YTHDF1: variants seen among roughly 807,000 people sequenced by gnomAD.
The protein encoded by YTHDF1 is YTH domain-containing family protein 1.
Under a neutral mutation model 49.1 loss-of-function variants are expected in YTHDF1, and 16 were observed. The ratio of observed to expected loss-of-function variants is 0.33; its 90% confidence interval spans 0.22 to 0.49. The LOEUF is 0.49. YTHDF1 is among the 20% of genes least tolerant of loss of function. The pLI is 0.99. For missense variants in YTHDF1, 621 were observed against 744.3 expected, an observed-to-expected ratio of 0.83 and a Z score of 1.93; for synonymous variants, 313 against 290.1, an observed-to-expected ratio of 1.08 and a Z score of -0.80.
At chr20:63,212,901 C>T (rs1279209467) in intron 3 of YTHDF1, among the ~76,000 whole-genome samples, 2 of 152,178 alleles carry the variant, frequency 1.3e-5, no homozygotes, top group Non-Finnish European at 2.9e-5. Context: ...AGAATGTTCC[C>T]GTGCAAAATG....
chr20:63,215,809 C>T, intron 1 of YTHDF1, 57 bp downstream of exon 1: 13 of 1,450,532 alleles, frequency 9.0e-6, no homozygotes, highest in Non-Finnish European at 1.2e-5. Flanking sequence ...CCCAGGACCT[C>T]AACCCAGACC....
Position 63,202,907 on chromosome 20 carries a change from C to T in YTHDF1, c.1033G>A (p.Gly345Ser). ...NAAFGQSGGAGSDSNSPGNVQ... is the reference protein window; with the variant it reads ...NAAFGQSGGASSDSNSPGNVQ... ...TTTCCAGGAGAGTTGCTATCGCTGC[C>T]AGCCCCTCCGCTCTGCCCAAACGCC... The change falls in exon 4 of 5, where the codon GGC becomes AGC. Residue 345 changes from glycine to serine, a missense_variant. Gly to Ser is a moderately conservative substitution (Grantham distance 56). Coordinates refer to ENST00000370339, the MANE Select transcript of YTHDF1 (RefSeq NM_017798.4). 6.2e-7 allele frequency: 1 copy of T among 1,613,992 alleles called. No individual in the cohort carries two copies. Among genetic ancestry groups the T allele is most frequent in the Non-Finnish European group, 8.5e-7 (1 of 1,180,048 alleles).
intron 2 of YTHDF1, 81 bp downstream of exon 2, chr20:63,215,496 T>C: frequency 6.3e-7 from 1 of 1,592,386 alleles, no homozygotes. Flanking sequence ...AGTTTCCGGT[T>C]CCAGACGCAG....
intron 4 of YTHDF1, among the ~76,000 whole-genome samples, chr20:63,199,360 G>A (rs2066507267): frequency 6.6e-6 from 1 of 152,068 alleles, no homozygotes; most frequent in South Asian, 2.1e-4. Flanking sequence ...TCTACTAAAA[G>A]CACAAAAAAT....
At chr20:63,202,170 C>T (rs2066520319) in intron 4 of YTHDF1, 117 bp downstream of exon 4, 4 of 1,382,964 alleles carry the variant, frequency 2.9e-6, no homozygotes, top group African/African-American at 2.9e-5. Flanking sequence ...TGGGAGCTGC[C>T]TGTCACGAGA....
chr20:63,206,124 C>G (rs1601236423), intron 3 of YTHDF1, among the ~76,000 whole-genome samples: 1 of 152,226 alleles, frequency 6.6e-6, no homozygotes, highest in South Asian at 2.1e-4. Flanking sequence ...CAGTCCCCCC[C>G]ACAGGGAAGC....
chr20:63,196,712 T>C lies in YTHDF1; in HGVS notation c.1676A>G (p.Gln559Arg), dbSNP rs142234216. 6.2e-7 allele frequency: 1 copy of C among 1,613,952 alleles called. No individual in the cohort carries two copies. Among genetic ancestry groups the C allele is most frequent in the Non-Finnish European group, 8.5e-7 (1 of 1,179,812 alleles). The change falls in exon 5 of 5, where the codon CAA becomes CGA. Residue 559 changes from glutamine (Q) to arginine (R), a missense_variant. Gln to Arg is a conservative substitution (Grantham distance 43). Transcript: ENST00000370339. ...ATGTAAGAAACTGGTTCGCCCTCAT[T>C]GTTTGTTTCGACTCTGCCGTTCCTG... Reference protein sequence around the residue: ...VRKERQSRNKQ With the variant: ...VRKERQSRNKR
chr20:63,196,578 C>CAACG lies in YTHDF1; in HGVS notation c.*126_*129dup. On this transcript the variant is annotated 3_prime_UTR_variant, in exon 5 of 5. Transcript: ENST00000370339. Reference sequence around the variant, plus strand: ...AATGCAGATCCATCTGGGCAAAAATCAACGACAAGAAAGGCAAAGATGCAA... The same window carrying CAACG: ...AATGCAGATCCATCTGGGCAAAAATCAACGAACGACAAGAAAGGCAAAGATGCAA... The CAACG allele has an allele frequency of 9.2e-7, 1 of 1,086,706 alleles. No individual in the cohort carries two copies. Among genetic ancestry groups the CAACG allele is most frequent in the South Asian group, 1.5e-5 (1 of 65,618 alleles). The allele number at this position is 1,086,706 out of a possible 1,614,324, so 67.3% of individuals were successfully genotyped here.
chr20:63,197,471 C>A (rs180795919), intron 4 of YTHDF1, among the ~76,000 whole-genome samples: 6 of 152,308 alleles, frequency 3.9e-5, no homozygotes, highest in African/African-American at 1.4e-4. Context: ...GAATCTTTTC[C>A]CACACTGGCC....
Position 63,209,228 on chromosome 20 carries a change from T to C in YTHDF1, c.132+4636A>G, listed in dbSNP as rs553297834. Among the ~76,000 whole-genome samples the C allele has an allele frequency of 4.1e-4, 62 of 152,362 alleles. No homozygotes were observed. In the South Asian group the frequency reaches 0.012, roughly 30 times the overall value. On this transcript the variant is annotated intron_variant, in intron 3 of 4. Coordinates refer to ENST00000370339, the MANE Select transcript of YTHDF1 (RefSeq NM_017798.4). ...CCTGGGCCCTCACTGGACACCACTG[T>C]CACCTTTAGAAACACCGTCCACTTA...
In YTHDF1 at chr20:63,203,625, A is replaced by C. The variant is rs1362900922; in HGVS notation, c.315T>G (p.Phe105Leu). ...TGTTCCCCAGGCCCCCAGGCTGCCC[A>C]AAAACAGCATCGTGCATAAAATGAT... Reference protein sequence around the residue: ...GDHHFMHDAVFGQPGGLGNNI... With the variant: ...GDHHFMHDAVLGQPGGLGNNI... Residue 105 changes from phenylalanine to leucine, a missense_variant, in exon 4 of 5, where the codon TTT becomes TTG. Physicochemically the swap from Phe to Leu is conservative, Grantham distance 22. Coordinates refer to ENST00000370339, the MANE Select transcript of YTHDF1 (RefSeq NM_017798.4). The surrounding 1 kb of genome is among the most constrained non-coding windows in gnomAD (Gnocchi z 4.4). 2 of 1,614,024 alleles carry C rather than the reference A, an allele frequency of 1.2e-6. No homozygotes were observed. The highest frequency in any genetic ancestry group is 1.3e-5 in the African/African-American group (1 of 74,920).
chr20:63,200,002 T>C (rs2066510559), intron 4 of YTHDF1, among the ~76,000 whole-genome samples: 2 of 152,088 alleles, frequency 1.3e-5, no homozygotes, highest in South Asian at 4.2e-4. Context: ...TACAACAAGC[T>C]GTGATTAAGT....
intron 4 of YTHDF1, among the ~76,000 whole-genome samples, chr20:63,201,017 C>T (rs2066514751): frequency 6.6e-6 from 1 of 151,516 alleles, no homozygotes; most frequent in African/African-American, 2.4e-5. Context: ...TGCACTCCAG[C>T]CTGGGCAACA....
rs754519494 is a variant in YTHDF1, at chr20:63,202,841, C to T, written c.1099G>A (p.Val367Ile). 27 of 1,613,748 alleles carry T rather than the reference C, an allele frequency of 1.7e-5. No individual in the cohort carries two copies. The highest frequency in any genetic ancestry group is 6.7e-5 in the East Asian group (3 of 44,898). Residue 367 changes from valine to isoleucine, a missense_variant, in exon 4 of 5, where the codon GTC (valine) becomes ATC (isoleucine). Around this residue, in one of 2 missense-constraint regions of YTHDF1, gnomAD observed 470 missense variants for 495.8 expected, o/e 0.95. Transcript: ENST00000370339. ...NSAPSVESHP[V>I]LEKLKAAHSY... ...TGAGCAGCCTTCAGTTTTTCAAGGA[C>T]GGGGTGGGATTCGACGCTGGGGGCA...
chr20:63,201,528 C>A, intron 4 of YTHDF1, among the ~76,000 whole-genome samples: 1 of 152,158 alleles, frequency 6.6e-6, no homozygotes, highest in Non-Finnish European at 1.5e-5. Flanking sequence ...ACACTCAATC[C>A]CGTCAGACAT....
chr20:63,199,079 T>C (rs1276636333), intron 4 of YTHDF1, among the ~76,000 whole-genome samples: 5 of 152,224 alleles, frequency 3.3e-5, no homozygotes, highest in Admixed American at 6.5e-5. Flanking sequence ...GTTTATGACC[T>C]TTACAGCAAT....
intron 3 of YTHDF1, among the ~76,000 whole-genome samples, chr20:63,205,124 C>T (rs1411312565): frequency 6.6e-6 from 1 of 152,144 alleles, no homozygotes; most frequent in Non-Finnish European, 1.5e-5. Flanking sequence ...GAAGGTTCTA[C>T]ATAAAGAGAA....
intron 4 of YTHDF1, 103 bp from the exon 5 acceptor site, chr20:63,196,837 G>A: frequency 7.2e-7 from 1 of 1,384,954 alleles, no homozygotes; most frequent in Non-Finnish European, 1.0e-6. Context: ...CTGCAAATCT[G>A]GAGGCGGGAC....
intron 3 of YTHDF1, among the ~76,000 whole-genome samples, chr20:63,212,753 C>T (rs995935858): frequency 1.3e-5 from 2 of 152,138 alleles, no homozygotes; most frequent in African/African-American, 4.8e-5. Context: ...GCAACTGTAT[C>T]CCCCAAAAAA....
Sources: allele counts gnomAD v4.1 joint callset (sites outside exome capture counted in the v4.1 genomes callset), GRCh38; gene constraint gnomAD v4.1.1; regional missense constraint gnomAD v4.1.1; non-coding constraint Gnocchi (gnomAD v3.1); transcripts MANE v1.5; gene names NCBI Gene and HGNC (gene_info 2026-07-23, HGNC 2026-07-21).